Variants in CRYL1 observed in about 807,000 individuals in gnomAD.
CRYL1 encodes crystallin lambda 1, also known as lambda-crystallin homolog.
CRYL1 carries 29 observed loss-of-function variants against 36.6 expected under a neutral mutation model. The ratio of observed to expected loss-of-function variants is 0.79; its 90% CI spans 0.59 to 1.08. The LOEUF is 1.08. Ranked by LOEUF, CRYL1 falls within the 50% of genes least tolerant of loss-of-function variation. CRYL1 has a pLI of 0.00. For synonymous variants in CRYL1, 152 were observed against 151.5 expected, an observed-to-expected ratio of 1.00 and a Z score of -0.02; for missense variants, 411 against 407.9, an observed-to-expected ratio of 1.01 and a Z score of -0.06.
intron 4 of CRYL1, among the ~76,000 whole-genome samples, chr13:20,434,759 C>T (rs1274733764): frequency 1.3e-5 from 2 of 151,900 alleles, no homozygotes; most frequent in Non-Finnish European, 2.9e-5. Flanking sequence ...TGTTAACAAT[C>T]ACCACCAAGT....
chr13:20,449,312 G>A (rs2032520128), intron 3 of CRYL1, among the ~76,000 whole-genome samples: 5 of 152,202 alleles, frequency 3.3e-5, no homozygotes, highest in Admixed American at 3.3e-4. Flanking sequence ...CAAAGAATGT[G>A]AAGCAGTCTA....
chr13:20,452,242 T>TAA (rs34122237), intron 3 of CRYL1, among the ~76,000 whole-genome samples: 49,061 of 134,246 alleles, frequency 0.37, 9,394 homozygotes, highest in South Asian at 0.53. Context: ...CAGACCGAAT[T>TAA]AAAAAAAAAA....
intron 5 of CRYL1, among the ~76,000 whole-genome samples, chr13:20,419,250 T>C (rs1306257454): frequency 1.3e-5 from 2 of 152,188 alleles, no homozygotes; most frequent in Non-Finnish European, 2.9e-5. Flanking sequence ...CTAGGGTCCT[T>C]GCAAATGCTA....
intron 1 of CRYL1, among the ~76,000 whole-genome samples, chr13:20,514,368 C>T (rs1036413083): frequency 6.6e-6 from 1 of 152,202 alleles, no homozygotes; most frequent in African/African-American, 2.4e-5. Context: ...CTCCCCAAAA[C>T]CCATAGCACC....
chr13:20,420,787 G>A lies in CRYL1; in HGVS notation c.634-7400C>T, dbSNP rs549731576. Among the ~76,000 whole-genome samples the A allele has an allele frequency of 2.1e-5, 3 of 146,060 alleles. No homozygotes were observed. In the South Asian group the frequency reaches 6.7e-4, roughly 32 times the overall value. On this transcript the variant is annotated intron_variant, in intron 5 of 7. Coordinates refer to ENST00000298248, the MANE Select transcript of CRYL1 (RefSeq NM_015974.3). The stretch of plus-strand genomic sequence containing the variant: ...GTCTCACTCTGTCGCCCAGGCTGGA[G>A]TGCAGTGGCGTGATCGCAACTCACT...
chr13:20,504,996 G>C (rs1337593659), intron 2 of CRYL1, among the ~76,000 whole-genome samples: 1 of 152,050 alleles, frequency 6.6e-6, no homozygotes, highest in South Asian at 2.1e-4. Context: ...AACACACACA[G>C]AATATTCATG....
chr13:20,434,561 T>C (rs1215545353), intron 4 of CRYL1, among the ~76,000 whole-genome samples: 4 of 148,450 alleles, frequency 2.7e-5, no homozygotes, highest in Admixed American at 2.7e-4. Flanking sequence ...AAAAAGCTGG[T>C]CACTCCCCCC....
intron 3 of CRYL1, among the ~76,000 whole-genome samples, chr13:20,455,999 G>A (rs1044747402): frequency 2.6e-5 from 4 of 152,138 alleles, no homozygotes; most frequent in Non-Finnish European, 5.9e-5. Flanking sequence ...AAAAGATAGG[G>A]TTCAACAAAT....
At chr13:20,454,374 TA>T (rs564451096) in intron 3 of CRYL1, among the ~76,000 whole-genome samples, 143 of 144,912 alleles carry the variant, frequency 9.9e-4, no homozygotes, top group Middle Eastern at 3.6e-3. Context: ...CCAATAGATG[TA>T]AAAAAAAAAA....
intron 3 of CRYL1, among the ~76,000 whole-genome samples, chr13:20,454,333 C>A (rs2032633899): frequency 6.7e-6 from 1 of 148,928 alleles, no homozygotes; most frequent in African/African-American, 2.5e-5. Flanking sequence ...ATGATATAAA[C>A]AGATTTAAAA....
chr13:20,517,468 A>G (rs181089608), intron 1 of CRYL1, among the ~76,000 whole-genome samples: 491 of 151,354 alleles, frequency 3.2e-3, no homozygotes, highest in South Asian at 5.7e-3. Flanking sequence ...GGTGGCACGC[A>G]TCTGTAATCC....
At chr13:20,506,372 A>G (rs1483585726) in intron 2 of CRYL1, among the ~76,000 whole-genome samples, 1 of 152,248 alleles carries the variant, frequency 6.6e-6, no homozygotes, top group Non-Finnish European at 1.5e-5. Flanking sequence ...TGCTTCTTCT[A>G]GAATATGACT....
intron 3 of CRYL1, among the ~76,000 whole-genome samples, chr13:20,480,416 G>C (rs1399262963): frequency 1.3e-5 from 2 of 152,070 alleles, no homozygotes; most frequent in Non-Finnish European, 2.9e-5. Flanking sequence ...CCATTGGCAG[G>C]TGGTTGTGAA....
At chr13:20,449,272 A>C (rs1403536700) in intron 3 of CRYL1, among the ~76,000 whole-genome samples, 1 of 152,248 alleles carries the variant, frequency 6.6e-6, no homozygotes, top group Non-Finnish European at 1.5e-5. Context: ...TTGTAAATGC[A>C]CATGTAAAAG....
chr13:20,496,065 T>A (rs1436252302), intron 2 of CRYL1, among the ~76,000 whole-genome samples: 6 of 152,340 alleles, frequency 3.9e-5, no homozygotes. Context: ...CCTCCCAAAG[T>A]GCTGGGATTA....
chr13:20,484,890 C>T (rs931426651), intron 3 of CRYL1, among the ~76,000 whole-genome samples: 5 of 152,176 alleles, frequency 3.3e-5, no homozygotes, highest in African/African-American at 4.8e-5. Context: ...TTTAACATTA[C>T]ATTGTGTTAG....
chr13:20,509,363 C>G (rs1255634064), intron 2 of CRYL1, among the ~76,000 whole-genome samples: 1 of 150,908 alleles, frequency 6.6e-6, no homozygotes, highest in Non-Finnish European at 1.5e-5. Flanking sequence ...AAATTTATTT[C>G]AAGACTACCT....
At chr13:20,460,637 T>G (rs1014488390) in intron 3 of CRYL1, among the ~76,000 whole-genome samples, 6 of 146,076 alleles carry the variant, frequency 4.1e-5, no homozygotes, top group Non-Finnish European at 9.0e-5. Context: ...GCCATTCTCC[T>G]GCCTCAGCCT....
At chr13:20,444,860 G>A (rs2032421951) in intron 3 of CRYL1, among the ~76,000 whole-genome samples, 1 of 152,172 alleles carries the variant, frequency 6.6e-6, no homozygotes, top group African/African-American at 2.4e-5. Flanking sequence ...GGGATTACAG[G>A]TGCGCAGCAC....
Sources: allele counts gnomAD v4.1 joint callset (sites outside exome capture counted in the v4.1 genomes callset), GRCh38; gene constraint gnomAD v4.1.1; transcripts MANE v1.5; gene names NCBI Gene and HGNC (gene_info 2026-07-23, HGNC 2026-07-21).